PDE10A: variants seen among roughly 807,000 people sequenced by gnomAD.
PDE10A encodes phosphodiesterase 10A, also known as cAMP and cAMP-inhibited cGMP 3',5'-cyclic phosphodiesterase 10A.
A neutral mutation model predicts 97.7 loss-of-function variants in PDE10A; 39 were observed. The ratio of observed to expected loss-of-function variants is 0.40; its 90% confidence interval spans 0.31 to 0.52. PDE10A has a LOEUF of 0.52. PDE10A is among the 20% of genes least tolerant of loss of function. The probability of loss-of-function intolerance (pLI) is 0.56; values close to 1 mark genes in which losing one functional copy is unlikely to be tolerated. For synonymous variants in PDE10A, 371 were observed against 376.8 expected (o/e 0.98, Z 0.18); for missense variants, 731 against 1,047.8 (o/e 0.70, Z 4.17).
intron 1 of PDE10A, among the ~76,000 whole-genome samples, chr6:165,678,719 T>C (rs1010024849): frequency 5.9e-5 from 9 of 152,182 alleles, no homozygotes; most frequent in Non-Finnish European, 1.2e-4. Flanking sequence ...TCTCCCTCTC[T>C]TTCTCTCTTT....
chr6:165,904,267 G>C (rs1427500819), intron 1 of PDE10A, among the ~76,000 whole-genome samples: 1 of 152,166 alleles, frequency 6.6e-6, no homozygotes, highest in African/African-American at 2.4e-5. Flanking sequence ...GGAGGGGCTG[G>C]TCTGTGTTGG....
In PDE10A at chr6:165,706,772, T is replaced by C. The variant is rs532736657; in HGVS notation, c.-614-163204A>G. 1.9e-3 allele frequency among the ~76,000 whole-genome samples: 283 copies of C among 152,320 alleles called. 1 individual carries two copies. The highest frequency in any genetic ancestry group is 6.4e-3 in the African/African-American group (264 of 41,568). ...CTATTTTAATTTACCATTCAGACTTTAGGGAGAAAAAGGCTTATGAATAAC... is the reference window on the plus strand; with the variant it reads ...CTATTTTAATTTACCATTCAGACTTCAGGGAGAAAAAGGCTTATGAATAAC... On this transcript the variant is annotated intron_variant, in intron 1 of 19. Transcript: ENST00000366882.
At chr6:165,364,137 T>C (rs569888604) in intron 18 of PDE10A, among the ~76,000 whole-genome samples, 2 of 152,322 alleles carry the variant, frequency 1.3e-5, no homozygotes, top group African/African-American at 2.4e-5. Context: ...CTCTAGATAA[T>C]ACAAGTTTCT....
rs367731216 is a variant in PDE10A at position 165,630,711 on chromosome 6, T to C, written c.865+31236A>G. 2.2e-4 allele frequency among the ~76,000 whole-genome samples: 34 copies of C among 152,260 alleles called. No individual in the cohort carries two copies. The South Asian group carries it at 5.6e-3, about 25-fold the overall frequency. On this transcript the variant is annotated intron_variant, in intron 1 of 21. Transcript: ENST00000539869. ...TGCACTGTAAATTCTTGGAGATACA[T>C]ATATTTGGCATTCTGCTGTTTAGAT... is the stretch of plus-strand genomic sequence containing the variant.
At chr6:165,861,973 G>T (rs181721129) in intron 1 of PDE10A, among the ~76,000 whole-genome samples, 1 of 152,304 alleles carries the variant, frequency 6.6e-6, no homozygotes, top group East Asian at 1.9e-4. Flanking sequence ...ACTCCCCAAA[G>T]CTTCCATGTG....
intron 1 of PDE10A, chr6:165,894,641 C>A: frequency 2.4e-6 from 1 of 422,912 alleles, no homozygotes. Flanking sequence ...AGCAGTCTTC[C>A]CACCGAGCAT....
intron 1 of PDE10A, among the ~76,000 whole-genome samples, chr6:165,941,607 C>A (rs535624232): frequency 2.6e-5 from 4 of 152,234 alleles, no homozygotes; most frequent in African/African-American, 9.6e-5. Context: ...GATTTGGTCA[C>A]TTAAAAGTGT....
rs564497359 is a variant in PDE10A at position 165,328,790 on chromosome 6, C to T, written c.*4235G>A. ...CTTGCTATTTTTATCATATAAAATGCTTCCAACGCTACAGACAACCAAAAT... is the reference window on the plus strand; with the variant it reads ...CTTGCTATTTTTATCATATAAAATGTTTCCAACGCTACAGACAACCAAAAT... On this transcript the variant is annotated 3_prime_UTR_variant, in exon 22 of 22. Coordinates refer to ENST00000539869, the MANE Select transcript of PDE10A (RefSeq NM_001385079.1). 2.0e-5 allele frequency: 3 copies of T among 152,302 alleles called. No individual in the cohort carries two copies. In the East Asian group the frequency reaches 5.8e-4, roughly 29 times the overall value. The allele number at this position is 152,302 out of a possible 1,614,324, so 9.4% of individuals were successfully genotyped here.
At chr6:165,478,276 T>C (rs1228309563) in intron 3 of PDE10A, among the ~76,000 whole-genome samples, 1 of 152,166 alleles carries the variant, frequency 6.6e-6, no homozygotes, top group African/African-American at 2.4e-5. Context: ...CTCATTCCTC[T>C]CTTCTCACCC....
Position 165,328,092 on chromosome 6 carries a change from G to GT in PDE10A, c.*4932dup, listed in dbSNP as rs1781145252. On this transcript the variant is annotated 3_prime_UTR_variant, in exon 22 of 22. Coordinates refer to ENST00000539869, the MANE Select transcript of PDE10A (RefSeq NM_001385079.1). ...TGGGCAAGCATGTAATTTCAAATAGGTAGGGGCATTGTATAGAAACACCTT... is the reference window on the plus strand; with the variant it reads ...TGGGCAAGCATGTAATTTCAAATAGGTTAGGGGCATTGTATAGAAACACCTT... The GT allele has an allele frequency of 6.6e-6, 1 of 152,152 alleles. No homozygotes were observed. The highest frequency in any genetic ancestry group is 2.4e-5 in the African/African-American group (1 of 41,432). 9.4% of individuals were successfully genotyped at this position (152,152 alleles called of 1,614,324 possible). A position where few individuals can be genotyped will look rare whatever the true frequency, so the allele number is the denominator to read the frequency against.
chr6:165,688,337 T>A (rs1791179816), intron 1 of PDE10A, among the ~76,000 whole-genome samples: 1 of 152,192 alleles, frequency 6.6e-6, no homozygotes, highest in South Asian at 2.1e-4. Flanking sequence ...AAACGCAAAC[T>A]GAGGAATTCA....
At chr6:165,932,492 T>A (rs1350953145) in intron 1 of PDE10A, among the ~76,000 whole-genome samples, 1 of 152,110 alleles carries the variant, frequency 6.6e-6, no homozygotes, top group African/African-American at 2.4e-5. Flanking sequence ...TGCACCACCA[T>A]GCCTAGCTAA....
At chr6:165,592,692 A>G (rs1786349742) in intron 1 of PDE10A, among the ~76,000 whole-genome samples, 1 of 152,100 alleles carries the variant, frequency 6.6e-6, no homozygotes, top group African/African-American at 2.4e-5. Context: ...CAAACATATG[A>G]AAAAAAAGCC....
chr6:165,981,323 CT>C (rs143959922), intron 1 of PDE10A, among the ~76,000 whole-genome samples: 5,837 of 152,272 alleles, frequency 0.038, 175 homozygotes, highest in South Asian at 0.061. Flanking sequence ...ATAATTACCC[CT>C]CATTTGGTTC....
intron 1 of PDE10A, among the ~76,000 whole-genome samples, chr6:165,793,815 T>C (rs1778728261): frequency 6.6e-6 from 1 of 152,182 alleles, no homozygotes; most frequent in African/African-American, 2.4e-5. Context: ...GCATCAAAAT[T>C]CATCGGAGGA....
At chr6:165,750,325 C>T (rs1482701770) in intron 1 of PDE10A, among the ~76,000 whole-genome samples, 2 of 152,152 alleles carry the variant, frequency 1.3e-5, no homozygotes, top group African/African-American at 4.8e-5. Context: ...ACAACTGAAA[C>T]GTGGAAAAGG....
intron 1 of PDE10A, among the ~76,000 whole-genome samples, chr6:165,563,956 C>T (rs1392102446): frequency 6.6e-6 from 1 of 150,840 alleles, no homozygotes; most frequent in Non-Finnish European, 1.5e-5. Context: ...CAGATATAAA[C>T]ACAAACCCAT....
intron 1 of PDE10A, among the ~76,000 whole-genome samples, chr6:165,708,337 T>G (rs1013802196): frequency 6.6e-6 from 1 of 152,088 alleles, no homozygotes. Context: ...AGCCTCACTG[T>G]GCCCTGTTTG....
At chr6:165,898,986 C>G (rs921134165) in intron 1 of PDE10A, among the ~76,000 whole-genome samples, 1 of 152,194 alleles carries the variant, frequency 6.6e-6, no homozygotes, top group African/African-American at 2.4e-5. Context: ...GGGACCCCAT[C>G]AAGGCCTCCC....
Sources: allele counts gnomAD v4.1 joint callset (sites outside exome capture counted in the v4.1 genomes callset), GRCh38; gene constraint gnomAD v4.1.1; transcripts MANE v1.5; gene names NCBI Gene and HGNC (gene_info 2026-07-23, HGNC 2026-07-21).